ENTREP2: variants seen among roughly 807,000 people sequenced by gnomAD.
ENTREP2 encodes the protein endosomal transmembrane epsin interactor 2, also known as protein ENTREP2.
At chr15:29,644,437 G>A in the ENTREP2 span, among the ~76,000 whole-genome samples, 259 of 152,274 alleles carry the variant, frequency 1.7e-3, 1 homozygote, top group East Asian at 0.023. Flanking sequence ...CAATAAAGCC[G>A]GTTATCGAAA....
At chr15:29,172,281 G>A in the ENTREP2 span, among the ~76,000 whole-genome samples, 2 of 152,202 alleles carry the variant, frequency 1.3e-5, no homozygotes, top group Non-Finnish European at 2.9e-5. Context: ...CTTTGATTGT[G>A]AAGGACAGTA....
chr15:29,416,072 C>G, the ENTREP2 span, among the ~76,000 whole-genome samples: 4 of 152,080 alleles, frequency 2.6e-5, no homozygotes, highest in African/African-American at 4.8e-5. Context: ...CCATAATGCC[C>G]AAGGTAATTT....
the ENTREP2 span, among the ~76,000 whole-genome samples, chr15:29,255,498 C>G: frequency 6.6e-6 from 1 of 152,110 alleles, no homozygotes; most frequent in Non-Finnish European, 1.5e-5. Flanking sequence ...GACCATTCGA[C>G]CCAGCAATCC....
the ENTREP2 span, among the ~76,000 whole-genome samples, chr15:29,160,361 G>A: frequency 2.0e-5 from 3 of 152,134 alleles, no homozygotes; most frequent in African/African-American, 4.8e-5. Context: ...CTCAAGTGCC[G>A]CCAAAGTGGG....
At chr15:29,390,015 C>T in the ENTREP2 span, among the ~76,000 whole-genome samples, 3 of 151,850 alleles carry the variant, frequency 2.0e-5, no homozygotes, top group South Asian at 2.1e-4. Context: ...ACCCTAATGA[C>T]GGAGGGCCTG....
At chr15:29,179,771 C>G in the ENTREP2 span, among the ~76,000 whole-genome samples, 2 of 151,406 alleles carry the variant, frequency 1.3e-5, no homozygotes, top group African/African-American at 2.4e-5. Flanking sequence ...ATTTTTAGTA[C>G]AGACGGGGTT....
At chr15:29,395,762 G>C in the ENTREP2 span, among the ~76,000 whole-genome samples, 1 of 151,706 alleles carries the variant, frequency 6.6e-6, no homozygotes, top group African/African-American at 2.4e-5. Context: ...TTGAACTCTT[G>C]GGTGCCAACG....
chr15:29,183,187 G>A, the ENTREP2 span, among the ~76,000 whole-genome samples: 1 of 151,102 alleles, frequency 6.6e-6, no homozygotes, highest in Non-Finnish European at 1.5e-5. Flanking sequence ...CACTGATCGT[G>A]AGAAGACTTT....
the ENTREP2 span, among the ~76,000 whole-genome samples, chr15:29,398,962 G>A: frequency 6.6e-6 from 1 of 152,184 alleles, no homozygotes; most frequent in Non-Finnish European, 1.5e-5. Flanking sequence ...TCTCTTGGGT[G>A]TGCCTGACCT....
the ENTREP2 span, among the ~76,000 whole-genome samples, chr15:29,463,394 T>C: frequency 6.6e-6 from 1 of 152,130 alleles, no homozygotes; most frequent in African/African-American, 2.4e-5. Flanking sequence ...AGGGGCTGCT[T>C]AGGGGATGGG....
the ENTREP2 span, among the ~76,000 whole-genome samples, chr15:29,280,410 AAAG>A: frequency 4.6e-5 from 7 of 152,186 alleles, no homozygotes; most frequent in Non-Finnish European, 8.8e-5. Flanking sequence ...CAGACAAAAT[AAAG>A]AAGAATGGCA....
chr15:29,407,239 A>G, the ENTREP2 span, among the ~76,000 whole-genome samples: 1 of 152,246 alleles, frequency 6.6e-6, no homozygotes, highest in Non-Finnish European at 1.5e-5. Flanking sequence ...AGGCAACTGT[A>G]ATACAATGGT....
At chr15:29,449,884 C>T in the ENTREP2 span, among the ~76,000 whole-genome samples, 1 of 152,034 alleles carries the variant, frequency 6.6e-6, no homozygotes, top group Admixed American at 6.6e-5. Flanking sequence ...TTAAGCAGTC[C>T]CTTTCCTCTA....
chr15:29,270,944 G>A, the ENTREP2 span, among the ~76,000 whole-genome samples: 1 of 152,170 alleles, frequency 6.6e-6, no homozygotes, highest in Non-Finnish European at 1.5e-5. Flanking sequence ...ATATTCAAAG[G>A]AAAGCAATTT....
the ENTREP2 span, among the ~76,000 whole-genome samples, chr15:29,426,212 T>C: frequency 6.6e-6 from 1 of 152,178 alleles, no homozygotes; most frequent in Admixed American, 6.5e-5. Flanking sequence ...ATCACTTTCA[T>C]GTACCCATTC....
At chr15:29,456,571 T>C in the ENTREP2 span, among the ~76,000 whole-genome samples, 1 of 152,276 alleles carries the variant, frequency 6.6e-6, no homozygotes, top group Non-Finnish European at 1.5e-5. Flanking sequence ...TGTGAAGGGG[T>C]TGGCAAGGTG....
chr15:29,279,591 T>A, the ENTREP2 span, among the ~76,000 whole-genome samples: 2 of 152,114 alleles, frequency 1.3e-5, no homozygotes, highest in South Asian at 4.1e-4. Flanking sequence ...TCTTGATCTC[T>A]TGACCTCGTG....
the ENTREP2 span, among the ~76,000 whole-genome samples, chr15:29,623,170 G>A: frequency 4.6e-5 from 7 of 152,066 alleles, no homozygotes; most frequent in African/African-American, 1.2e-4. Flanking sequence ...AATGTTTTTC[G>A]GTAGCTCCTG....
chr15:29,498,550 C>T, the ENTREP2 span, among the ~76,000 whole-genome samples: 5 of 152,160 alleles, frequency 3.3e-5, no homozygotes, highest in East Asian at 9.6e-4. Context: ...TACATTAAGA[C>T]TTGTTTTGTG....
Sources: allele counts gnomAD v4.1 joint callset (sites outside exome capture counted in the v4.1 genomes callset), GRCh38; gene constraint gnomAD v4.1.1; transcripts MANE v1.5; gene names NCBI Gene and HGNC (gene_info 2026-07-23, HGNC 2026-07-21).